YWHAE: variants seen among roughly 807,000 people sequenced by gnomAD.
YWHAE encodes the protein tyrosine 3-monooxygenase/tryptophan 5-monooxygenase activation protein epsilon.
YWHAE carries 4 observed loss-of-function variants against 30.1 expected under a neutral mutation model. That is an observed-to-expected ratio of 0.13 (90% confidence interval 0.07 to 0.30). YWHAE has a LOEUF of 0.30. YWHAE is among the 10% of genes least tolerant of loss of function. YWHAE has a pLI of 1.00. For missense variants in YWHAE, 121 were observed against 315.9 expected, an observed-to-expected ratio of 0.38 and a Z score of 4.68; for synonymous variants, 118 against 111.8, an observed-to-expected ratio of 1.06 and a Z score of -0.35.
At chr17:1,363,486 G>A (rs1053769839) in intron 2 of YWHAE, among the ~76,000 whole-genome samples, 2 of 151,966 alleles carry the variant, frequency 1.3e-5, no homozygotes, top group African/African-American at 2.4e-5. Context: ...GGCTGCTCTC[G>A]AACTCCTCAC....
chr17:1,346,894 G>A (rs553694500), intron 5 of YWHAE, among the ~76,000 whole-genome samples: 1 of 151,338 alleles, frequency 6.6e-6, no homozygotes, highest in South Asian at 2.1e-4. Flanking sequence ...GGGAAGCTGA[G>A]GCATGAGAAT....
chr17:1,379,428 T>A (rs1277202782), intron 1 of YWHAE, among the ~76,000 whole-genome samples: 1 of 152,262 alleles, frequency 6.6e-6, no homozygotes, highest in Middle Eastern at 3.4e-3. Flanking sequence ...AAGGCTGCAA[T>A]GAGCTGTGAT....
chr17:1,376,819 G>A (rs1392637027), intron 1 of YWHAE, among the ~76,000 whole-genome samples: 2 of 152,092 alleles, frequency 1.3e-5, no homozygotes, highest in Non-Finnish European at 2.9e-5. Flanking sequence ...TTCAGGGTCA[G>A]GAAAAAAGCA....
At chr17:1,373,286 T>C (rs1264979753) in intron 1 of YWHAE, among the ~76,000 whole-genome samples, 3 of 152,078 alleles carry the variant, frequency 2.0e-5, no homozygotes, top group East Asian at 3.9e-4. Context: ...TATCAATTAA[T>C]TTCCCTCAGT....
chr17:1,389,352 T>C (rs2073355119), intron 1 of YWHAE, among the ~76,000 whole-genome samples: 1 of 152,212 alleles, frequency 6.6e-6, no homozygotes, highest in African/African-American at 2.4e-5. Flanking sequence ...TTCAGCTGAC[T>C]AACCCAGGGA....
At chr17:1,397,678 TTGG>T (rs1364922538) in intron 1 of YWHAE, among the ~76,000 whole-genome samples, 6 of 152,080 alleles carry the variant, frequency 3.9e-5, no homozygotes, top group Non-Finnish European at 8.8e-5. Flanking sequence ...TAAGTTCTGT[TTGG>T]TGACCAGAAC....
At chr17:1,375,604 C>A (rs1292436348) in intron 1 of YWHAE, among the ~76,000 whole-genome samples, 1 of 152,238 alleles carries the variant, frequency 6.6e-6, no homozygotes, top group African/African-American at 2.4e-5. Flanking sequence ...GGTTTGGGGA[C>A]AAGGGTGGGT....
intron 5 of YWHAE, among the ~76,000 whole-genome samples, chr17:1,347,342 A>C (rs1481589931): frequency 6.6e-6 from 1 of 151,670 alleles, no homozygotes; most frequent in Non-Finnish European, 1.5e-5. Flanking sequence ...AAAAAAAAAA[A>C]AAACTACATA....
At chr17:1,361,868 A>T (rs949774361) in intron 3 of YWHAE, 34 bp downstream of exon 3, 1 of 1,451,704 alleles carries the variant, frequency 6.9e-7, no homozygotes, top group African/African-American at 1.4e-5. Context: ...ACCAACTTTC[A>T]ATCTTACATT....
At chr17:1,364,462 G>A (rs892216033) in intron 2 of YWHAE, among the ~76,000 whole-genome samples, 8 of 152,034 alleles carry the variant, frequency 5.3e-5, no homozygotes, top group African/African-American at 7.2e-5. Context: ...TCCTGACCTC[G>A]TGATCCGCCC....
intron 1 of YWHAE, among the ~76,000 whole-genome samples, chr17:1,370,346 C>A (rs138188068): frequency 2.0e-5 from 3 of 151,260 alleles, no homozygotes; most frequent in Non-Finnish European, 4.4e-5. Flanking sequence ...TTAGCCAGGA[C>A]GGTCTCGATC....
At chr17:1,396,195 G>A (rs997538357) in intron 1 of YWHAE, among the ~76,000 whole-genome samples, 4 of 151,982 alleles carry the variant, frequency 2.6e-5, no homozygotes, top group South Asian at 4.1e-4. Context: ...TGAGGTGGGC[G>A]GATCACCTGA....
At chr17:1,355,967 G>A (rs754755923) in intron 4 of YWHAE, among the ~76,000 whole-genome samples, 42 of 152,242 alleles carry the variant, frequency 2.8e-4, no homozygotes, top group South Asian at 6.2e-4. Flanking sequence ...AGGAGATCGA[G>A]ACCATCCTGG....
rs147590637 is a variant in YWHAE, at chr17:1,396,578, C to T, written c.64+3469G>A. On this transcript the variant is annotated intron_variant, in intron 1 of 5. Transcript: ENST00000264335. ...ACAAAACCAACAACAGCCCCACAAG[C>T]CCAAATGTAGTTTATGTTACCCCTC... 2.1e-3 allele frequency among the ~76,000 whole-genome samples: 325 copies of T among 152,268 alleles called. 1 individual carries two copies. The highest frequency in any genetic ancestry group is 7.4e-3 in the African/African-American group (307 of 41,542).
intron 1 of YWHAE, among the ~76,000 whole-genome samples, chr17:1,384,555 T>C (rs544346174): frequency 5.9e-5 from 9 of 151,742 alleles, no homozygotes; most frequent in Non-Finnish European, 1.3e-4. Flanking sequence ...TAGCCAGGCA[T>C]GGTGGCAGGC....
chr17:1,361,092 C>G lies in YWHAE; in HGVS notation c.578G>C (p.Arg193Thr), dbSNP rs1476074462. ...GCTGCTGTTCTTCCCCACAACTTAC[C>G]TGCAGGCACGGTCAGGGGAATTAAG... ...EILNSPDRAC[R>T]LAKAAFDDAI... is the part of the protein sequence containing the mutation. The change falls in exon 4 of 6, where the codon AGG (arginine) becomes ACG (threonine). Residue 193 changes from arginine to threonine, a missense_variant and splice_region_variant. By Grantham distance (71) the Arg-to-Thr change is moderately conservative. Coordinates refer to ENST00000264335, the MANE Select transcript of YWHAE (RefSeq NM_006761.5). 6.2e-7 allele frequency: 1 copy of G among 1,613,830 alleles called. No homozygotes were observed. Among genetic ancestry groups the G allele is most frequent in the African/African-American group, 1.3e-5 (1 of 74,930 alleles).
intron 5 of YWHAE, among the ~76,000 whole-genome samples, chr17:1,350,791 G>A (rs2072617439): frequency 4.6e-5 from 7 of 151,704 alleles, no homozygotes; most frequent in Admixed American, 4.6e-4. Flanking sequence ...CAGGCGCAGT[G>A]GCTCACGCCT....
intron 4 of YWHAE, among the ~76,000 whole-genome samples, chr17:1,356,589 C>T (rs2072747112): frequency 6.6e-6 from 1 of 152,194 alleles, no homozygotes; most frequent in South Asian, 2.1e-4. Flanking sequence ...AAGGTGCAAC[C>T]ACCAGTATTA....
chr17:1,400,019 C>T (rs2073543638), intron 1 of YWHAE, 28 bp downstream of exon 1: 1 of 1,611,038 alleles, frequency 6.2e-7, no homozygotes, highest in Non-Finnish European at 8.5e-7. Flanking sequence ...TCCGAGAATT[C>T]CAGCCCCCCG....
Sources: gnomAD v4.1 joint callset for allele counts (sites outside exome capture counted in the v4.1 genomes callset) on GRCh38, gnomAD v4.1.1 for gene constraint, MANE v1.5 for transcripts, NCBI Gene and HGNC (gene_info 2026-07-23, HGNC 2026-07-21) for gene names.